The following OPCML variants were observed in gnomAD, a reference collection of about 807,000 sequenced individuals.
OPCML encodes the protein opioid binding protein/cell adhesion molecule like.
In OPCML, 13 loss-of-function variants were observed where a neutral mutation model predicts 37.8. The ratio of observed to expected loss-of-function variants is 0.34; its 90% CI spans 0.22 to 0.55. The LOEUF is 0.55. Ranked by LOEUF, OPCML falls within the 20% of genes least tolerant of loss-of-function variation. OPCML has a pLI of 0.91. For missense variants in OPCML, 341 were observed against 435.6 expected (o/e 0.78, Z 1.93); for synonymous variants, 176 against 168.8 (o/e 1.04, Z -0.33).
chr11:132,931,314 A>G (rs777170603), intron 2 of OPCML, among the ~76,000 whole-genome samples: 9 of 152,204 alleles, frequency 5.9e-5, no homozygotes, highest in Non-Finnish European at 8.8e-5. Flanking sequence ...ACAAGAAAAG[A>G]TAAATTGGAC....
intron 2 of OPCML, among the ~76,000 whole-genome samples, chr11:132,706,616 T>C (rs1038816817): frequency 6.6e-6 from 1 of 152,114 alleles, no homozygotes; most frequent in African/African-American, 2.4e-5. Context: ...CCCAATGTAG[T>C]AAAATTCCAT....
chr11:132,948,425 G>A (rs1230436772), intron 1 of OPCML, among the ~76,000 whole-genome samples: 1 of 152,198 alleles, frequency 6.6e-6, no homozygotes, highest in Non-Finnish European at 1.5e-5. Flanking sequence ...TACGGCAGTG[G>A]GGGTGGTTCT....
chr11:132,791,116 T>C (rs1298735090), intron 2 of OPCML, among the ~76,000 whole-genome samples: 2 of 152,184 alleles, frequency 1.3e-5, no homozygotes, highest in East Asian at 3.9e-4. Context: ...TGGGAGCCTG[T>C]GTGGTCTACA....
intron 1 of OPCML, among the ~76,000 whole-genome samples, chr11:133,415,652 C>A (rs1001167124): frequency 1.9e-4 from 29 of 152,132 alleles, no homozygotes; most frequent in African/African-American, 6.8e-4. Context: ...GCATGTGGTA[C>A]CTCACCTGGC....
At chr11:133,418,445 G>A (rs1219182488) in intron 1 of OPCML, 8 of 985,246 alleles carry the variant, frequency 8.1e-6, no homozygotes, top group Non-Finnish European at 9.6e-6. Context: ...AGTCTTAAAT[G>A]ACTTTGGTGT....
In OPCML at chr11:132,467,323, A is replaced by C. The variant is rs78722743; in HGVS notation, c.506-29964T>G. On this transcript the variant is annotated intron_variant, in intron 4 of 7. Transcript: ENST00000524381. ...CCCGTCACCTGAGAGGTGCTCTGGG[A>C]CTTTTTCAATCCTCCCTCCTCACAC... Among the ~76,000 whole-genome samples, 329 of 152,290 alleles carry C rather than the reference A, an allele frequency of 2.2e-3. 6 individuals carry two copies. The East Asian group carries it at 0.06, about 28-fold the overall frequency.
chr11:133,284,727 A>G (rs1234411048), intron 1 of OPCML, among the ~76,000 whole-genome samples: 1 of 152,140 alleles, frequency 6.6e-6, no homozygotes, highest in Non-Finnish European at 1.5e-5. Flanking sequence ...CAGAACATAC[A>G]TGTAAGTCTC....
chr11:133,053,282 C>T (rs2136970110), intron 1 of OPCML, among the ~76,000 whole-genome samples: 1 of 152,300 alleles, frequency 6.6e-6, no homozygotes, highest in East Asian at 1.9e-4. Flanking sequence ...GGTAAGCCCT[C>T]AACGCATGGC....
intron 2 of OPCML, among the ~76,000 whole-genome samples, chr11:132,836,439 T>C (rs1438569807): frequency 6.6e-6 from 1 of 152,188 alleles, no homozygotes; most frequent in African/African-American, 2.4e-5. Flanking sequence ...GTCTTAAGGC[T>C]CTGAAGTTCA....
intron 7 of OPCML, among the ~76,000 whole-genome samples, chr11:132,430,108 C>T (rs1328724757): frequency 1.3e-5 from 2 of 152,134 alleles, no homozygotes; most frequent in African/African-American, 4.8e-5. Flanking sequence ...AGATACAATG[C>T]GAATTCTCCC....
At chr11:133,439,602 G>A (rs868064167) in intron 1 of OPCML, among the ~76,000 whole-genome samples, 2 of 152,034 alleles carry the variant, frequency 1.3e-5, no homozygotes, top group South Asian at 4.2e-4. Flanking sequence ...CGAGTGGCTG[G>A]GACTACAGGT....
rs182625088 is a variant in OPCML, at chr11:133,095,248, G to T, written c.62-152238C>A. 2.1e-3 allele frequency among the ~76,000 whole-genome samples: 280 copies of T among 136,548 alleles called. 1 individual carries two copies. Among genetic ancestry groups the T allele is most frequent in the Non-Finnish European group, 3.2e-3 (209 of 64,594 alleles). The allele number at this position is 136,548 out of a possible 152,430, so 89.6% of individuals were successfully genotyped here. On this transcript the variant is annotated intron_variant, in intron 1 of 7. Transcript: ENST00000524381. ...TAAAATAGCCCTGTTGGCCCAATTT[G>T]CTGAGACTAAGATGATTTTAATGTA...
chr11:132,843,907 A>C (rs75805676), intron 2 of OPCML, among the ~76,000 whole-genome samples: 3,256 of 152,322 alleles, frequency 0.021, 51 homozygotes, highest in Middle Eastern at 0.054. Context: ...TAAGTGGTTG[A>C]TATGGTTTGG....
chr11:132,446,191 A>G (rs2096054627), intron 4 of OPCML, among the ~76,000 whole-genome samples: 1 of 137,462 alleles, frequency 7.3e-6, no homozygotes, highest in Middle Eastern at 4.5e-3. Flanking sequence ...TCTGGATGAT[A>G]CTGTTGACTC....
chr11:133,445,576 C>A (rs1315580303), intron 1 of OPCML, among the ~76,000 whole-genome samples: 1 of 152,154 alleles, frequency 6.6e-6, no homozygotes, highest in Non-Finnish European at 1.5e-5. Flanking sequence ...GTTTCCACAC[C>A]TTGCAACTAA....
intron 3 of OPCML, among the ~76,000 whole-genome samples, chr11:132,544,905 C>T (rs958423358): frequency 8.5e-5 from 13 of 152,108 alleles, no homozygotes; most frequent in Non-Finnish European, 1.5e-4. Flanking sequence ...AGGAGCATGG[C>T]CTTGAGAAGG....
chr11:132,554,923 T>G (rs2096391535), intron 3 of OPCML, among the ~76,000 whole-genome samples: 2 of 134,294 alleles, frequency 1.5e-5, no homozygotes, highest in African/African-American at 5.6e-5. Flanking sequence ...GACCTAGATC[T>G]GAGACGTAGA....
intron 2 of OPCML, among the ~76,000 whole-genome samples, chr11:132,659,684 T>C (rs1423573715): frequency 6.6e-6 from 1 of 151,764 alleles, no homozygotes; most frequent in Non-Finnish European, 1.5e-5. Context: ...ATTTAAAAAT[T>C]TTTTTAAGTC....
chr11:132,968,882 T>C (rs192951359), intron 1 of OPCML, among the ~76,000 whole-genome samples: 66 of 152,330 alleles, frequency 4.3e-4, no homozygotes, highest in African/African-American at 1.5e-3. Context: ...TTTCTTGTCT[T>C]GGACTTCTAG....
Sources: gnomAD v4.1 joint callset for allele counts (sites outside exome capture counted in the v4.1 genomes callset) on GRCh38, gnomAD v4.1.1 for gene constraint, MANE v1.5 for transcripts, NCBI Gene and HGNC (gene_info 2026-07-23, HGNC 2026-07-21) for gene names.